Variants in CSNK1G2 observed in about 807,000 individuals in gnomAD.
CSNK1G2 encodes the protein casein kinase I isoform gamma-2.
CSNK1G2 carries 11 observed loss-of-function variants against 48.0 expected under a neutral mutation model. That is an observed-to-expected ratio of 0.23 (90% CI 0.14 to 0.38). The LOEUF (loss-of-function observed/expected upper bound fraction) is 0.38. CSNK1G2 is among the 10% of genes least tolerant of loss of function. The probability of loss-of-function intolerance (pLI) is 1.00; values close to 1 mark genes in which losing one functional copy is unlikely to be tolerated. For synonymous variants in CSNK1G2, 337 were observed against 254.1 expected (o/e 1.33, Z -3.10); for missense variants, 446 against 595.5 (o/e 0.75, Z 2.61).
At chr19:1,942,877 G>T (rs528987056) in intron 1 of CSNK1G2, among the ~76,000 whole-genome samples, 1 of 152,182 alleles carries the variant, frequency 6.6e-6, no homozygotes, top group East Asian at 1.9e-4. Context: ...AAAACGAAAC[G>T]CTCTGGGCTG....
intron 1 of CSNK1G2, among the ~76,000 whole-genome samples, chr19:1,943,314 G>T (rs571640569): frequency 6.6e-6 from 1 of 152,298 alleles, no homozygotes; most frequent in Non-Finnish European, 1.5e-5. Flanking sequence ...CTCTGAAGAG[G>T]ATGAGGGAGC....
rs779574833 is a variant in CSNK1G2, at chr19:1,969,877, C to T, written c.105C>T (p.Thr35=). ...RSSHGIRSSG[T]SSGVLMVGPN... ...GCCACGGCATCCGGAGCTCGGGGAC[C>T]AGCTCGGGGGTCCTGATGGTGGGCC... The change falls in exon 2 of 12, where the codon ACC becomes ACT. Residue 35 remains threonine, a synonymous_variant. Coordinates refer to ENST00000255641, the MANE Select transcript of CSNK1G2 (RefSeq NM_001319.7). 2.3e-6 allele frequency: 3 copies of T among 1,311,998 alleles called. No individual in the cohort carries two copies. The highest frequency in any genetic ancestry group is 1.5e-5 in the African/African-American group (1 of 66,370). 81.3% of individuals were successfully genotyped at this position (1,311,998 alleles called of 1,614,324 possible).
intron 1 of CSNK1G2, chr19:1,953,938 G>A (rs370330758): frequency 1.5e-5 from 8 of 533,764 alleles, no homozygotes; most frequent in South Asian, 1.1e-4. Flanking sequence ...CAGTCGGCGC[G>A]GTGAGGTTGG....
At chr19:1,979,885 G>A (rs1350177266) in intron 10 of CSNK1G2, 26 bp from the exon 11 acceptor site, 3 of 1,605,982 alleles carry the variant, frequency 1.9e-6, no homozygotes, top group East Asian at 2.2e-5. Context: ...TGGGCGGCCA[G>A]CGTGACCCCC....
intron 1 of CSNK1G2, among the ~76,000 whole-genome samples, chr19:1,962,768 C>T (rs1035547862): frequency 2.0e-5 from 3 of 147,018 alleles, no homozygotes; most frequent in South Asian, 4.2e-4. Flanking sequence ...ACTGTGGAGA[C>T]GACCTGGTGG....
At chr19:1,955,353 G>A (rs1037145607) in intron 1 of CSNK1G2, among the ~76,000 whole-genome samples, 2 of 152,172 alleles carry the variant, frequency 1.3e-5, no homozygotes, top group African/African-American at 4.8e-5. Flanking sequence ...GACTCTCGGG[G>A]CCACTCCTGA....
At chr19:1,965,590 TC>T (rs2015341543) in intron 1 of CSNK1G2, among the ~76,000 whole-genome samples, 2 of 151,932 alleles carry the variant, frequency 1.3e-5, no homozygotes, top group Admixed American at 1.3e-4. Context: ...ATCCTCCACC[TC>T]CCGGGTTGAA....
At chr19:1,950,231 C>T (rs1379831780) in intron 1 of CSNK1G2, among the ~76,000 whole-genome samples, 1 of 152,102 alleles carries the variant, frequency 6.6e-6, no homozygotes, top group Non-Finnish European at 1.5e-5. Flanking sequence ...GCTCTGCCTC[C>T]CGGGTTCACA....
chr19:1,963,673 A>T (rs1336834429), intron 1 of CSNK1G2, among the ~76,000 whole-genome samples: 2 of 150,934 alleles, frequency 1.3e-5, no homozygotes, highest in Non-Finnish European at 2.9e-5. Flanking sequence ...ACACCTAGCT[A>T]ATTTTTGTAT....
At chr19:1,973,629 G>A (rs996633909) in intron 2 of CSNK1G2, among the ~76,000 whole-genome samples, 2 of 152,146 alleles carry the variant, frequency 1.3e-5, no homozygotes, top group Non-Finnish European at 2.9e-5. Flanking sequence ...CAGGCTGTGC[G>A]GCTGCTGCTG....
intron 1 of CSNK1G2, among the ~76,000 whole-genome samples, chr19:1,958,282 C>T (rs1026812627): frequency 6.6e-6 from 1 of 152,040 alleles, no homozygotes; most frequent in Non-Finnish European, 1.5e-5. Flanking sequence ...CTCGCTTCGT[C>T]CTTTTTGGGC....
At chr19:1,946,505 A>G (rs1378497319) in intron 1 of CSNK1G2, among the ~76,000 whole-genome samples, 2 of 150,218 alleles carry the variant, frequency 1.3e-5, no homozygotes, top group East Asian at 3.9e-4. Flanking sequence ...GTTAGCCAGG[A>G]TGGTCTCGAT....
intron 1 of CSNK1G2, among the ~76,000 whole-genome samples, chr19:1,948,012 G>T (rs976820806): frequency 2.5e-4 from 38 of 152,256 alleles, no homozygotes; most frequent in African/African-American, 9.1e-4. Flanking sequence ...CACAGCCCCG[G>T]TTCCTCTGAA....
At chr19:1,972,167 C>T (rs2015596578) in intron 2 of CSNK1G2, among the ~76,000 whole-genome samples, 1 of 152,238 alleles carries the variant, frequency 6.6e-6, no homozygotes, top group African/African-American at 2.4e-5. Context: ...CGTGGTTTCT[C>T]AGGGGTGCCG....
chr19:1,943,870 C>T (rs756639528), intron 1 of CSNK1G2, among the ~76,000 whole-genome samples: 30 of 152,230 alleles, frequency 2.0e-4, no homozygotes, highest in Non-Finnish European at 4.0e-4. Context: ...AAGGCCTTGA[C>T]CGAGGCCTGG....
Position 1,947,742 on chromosome 19 carries a change from C to T in CSNK1G2, c.-266+6324C>T, listed in dbSNP as rs560263248. 6.6e-5 allele frequency among the ~76,000 whole-genome samples: 10 copies of T among 152,316 alleles called. No individual in the cohort carries two copies. The East Asian group carries it at 1.7e-3, about 26-fold the overall frequency. ...GGCTTGCGACCGCAGGGGTGGTGTG[C>T]GTTTGCGCTGGCGTCTGCACAGGTG... On this transcript the variant is annotated intron_variant, in intron 1 of 11. Transcript: ENST00000255641.
intron 1 of CSNK1G2, among the ~76,000 whole-genome samples, chr19:1,952,300 G>A (rs2145510554): frequency 6.6e-6 from 1 of 152,236 alleles, no homozygotes; most frequent in Non-Finnish European, 1.5e-5. Context: ...AGTGGCGGAG[G>A]GCGGGATGCT....
chr19:1,948,042 C>G (rs374035120), intron 1 of CSNK1G2, among the ~76,000 whole-genome samples: 11 of 152,166 alleles, frequency 7.2e-5, no homozygotes, highest in African/African-American at 2.4e-4. Flanking sequence ...GGCCGGGACC[C>G]GGGATGAGCT....
chr19:1,978,267 C>T lies in CSNK1G2; in HGVS notation c.188-38C>T, dbSNP rs1218754892. ...GCTGGGGAGGTCGGGGCTAGGTGGGCCCTGCGCTGGCGGTGCTGATGGTCT... is the reference window on the plus strand; with the variant it reads ...GCTGGGGAGGTCGGGGCTAGGTGGGTCCTGCGCTGGCGGTGCTGATGGTCT... On this transcript the variant is annotated intron_variant, in intron 2 of 11. Coordinates refer to ENST00000255641, the MANE Select transcript of CSNK1G2 (RefSeq NM_001319.7). This position sits in a 1 kb window ranked among gnomAD's most constrained non-coding sequence, Gnocchi z 7.3. 9.3e-6 allele frequency: 15 copies of T among 1,611,050 alleles called. No homozygotes were observed. The highest frequency in any genetic ancestry group is 3.6e-4 in the Middle Eastern group (2 of 5,496).
Sources: gnomAD v4.1 joint callset for allele counts (sites outside exome capture counted in the v4.1 genomes callset) on GRCh38, gnomAD v4.1.1 for gene constraint, Gnocchi (gnomAD v3.1) non-coding constraint, MANE v1.5 for transcripts, NCBI Gene and HGNC (gene_info 2026-07-23, HGNC 2026-07-21) for gene names.